Variants in ARHGAP30 observed in about 807,000 individuals in gnomAD.
The protein encoded by ARHGAP30 is Rho GTPase activating protein 30.
A neutral mutation model predicts 72.0 loss-of-function variants in ARHGAP30; 23 were observed. The ratio of observed to expected loss-of-function variants is 0.32; its 90% CI spans 0.23 to 0.45. ARHGAP30 has a LOEUF of 0.45. Among genes scored for constraint, ARHGAP30 ranks in the 20% least tolerant of loss-of-function variants. The probability of loss-of-function intolerance (pLI) is 1.00; values close to 1 mark genes in which losing one functional copy is unlikely to be tolerated. For missense variants in ARHGAP30, 1,319 were observed against 1,383.4 expected (o/e 0.95, Z 0.74); for synonymous variants, 576 against 528.2 (o/e 1.09, Z -1.24).
chr1:161,064,945 G>A (rs1244445822), intron 1 of ARHGAP30, among the ~76,000 whole-genome samples: 3 of 151,162 alleles, frequency 2.0e-5, no homozygotes, highest in African/African-American at 7.3e-5. Flanking sequence ...GAAGGGAAGG[G>A]AAGAAGGGAA....
intron 1 of ARHGAP30, among the ~76,000 whole-genome samples, chr1:161,066,183 C>G (rs1263123562): frequency 6.6e-6 from 1 of 150,654 alleles, no homozygotes; most frequent in Non-Finnish European, 1.5e-5. Flanking sequence ...TCTTTCAACT[C>G]TCCTCATACG....
In ARHGAP30 at chr1:161,069,728, C is replaced by CAG; in HGVS notation, c.-105_-104insCT. The CAG allele has an allele frequency of 7.6e-7, 1 of 1,312,626 alleles. No individual in the cohort carries two copies. The highest frequency in any genetic ancestry group is 1.1e-6 in the Non-Finnish European group (1 of 938,804). 81.3% of individuals were successfully genotyped at this position (1,312,626 alleles called of 1,614,324 possible). A position where few individuals can be genotyped will look rare whatever the true frequency, so the allele number is the denominator to read the frequency against. ...GCCAGCTGCTGGGCTTGGCCCGGCC[C>CAG]CAGGGGGGCAGGGCTCCCAATTGGG... On this transcript the variant is annotated 5_prime_UTR_variant, in exon 1 of 12. Transcript: ENST00000368013. This position sits in a 1 kb window ranked among gnomAD's most constrained non-coding sequence, Gnocchi z 4.9.
At chr1:161,056,994 C>T (rs1179505729) in intron 2 of ARHGAP30, among the ~76,000 whole-genome samples, 2 of 152,056 alleles carry the variant, frequency 1.3e-5, no homozygotes, top group Non-Finnish European at 2.9e-5. Context: ...ATACATTGAA[C>T]ATCAAAATTA....
rs772476087 is a variant in ARHGAP30, at chr1:161,049,666, C to G, written c.1444G>C (p.Ala482Pro). The part of the protein sequence containing the change: ...PPDEKLEASP[A>P]SSPLADSGPD... The stretch of plus-strand genomic sequence containing the variant: ...CCTGAGTCTGCCAGGGGACTTGAGG[C>G]TGGACTTGCTTCCAACTTTTCATCT... Residue 482 changes from alanine (A) to proline (P), a missense_variant, in exon 11 of 12, where the codon GCC becomes CCC. Physicochemically the swap from Ala to Pro is conservative, Grantham distance 27. Around this residue, in one of 2 missense-constraint regions of ARHGAP30, gnomAD observed 1,097 missense variants for 1,045.2 expected, o/e 1.05. Transcript: ENST00000368013. The G allele has an allele frequency of 6.2e-6, 10 of 1,613,610 alleles. No homozygotes were observed. Among genetic ancestry groups the G allele is most frequent in the Non-Finnish European group, 8.5e-6 (10 of 1,179,740 alleles).
At chr1:161,064,829 AAGAGAAAG>A (rs1487544929) in intron 1 of ARHGAP30, among the ~76,000 whole-genome samples, 3 of 45,440 alleles carry the variant, frequency 6.6e-5, no homozygotes, top group Admixed American at 2.0e-4. Context: ...GAAAGAAAGA[AAGAGAAAG>A]AAAGAAAGAA....
intron 9 of ARHGAP30, among the ~76,000 whole-genome samples, chr1:161,052,014 AC>A (rs1557920864): frequency 0.024 from 1,427 of 58,370 alleles, 161 homozygotes; most frequent in African/African-American, 0.055. Context: ...CACCACCACC[AC>A]CACCACCACC....
At chr1:161,054,826 T>G in intron 3 of ARHGAP30, 121 bp from the exon 4 acceptor site, 3 of 837,778 alleles carry the variant, frequency 3.6e-6, no homozygotes, top group South Asian at 1.4e-5. Context: ...TACCCCATCC[T>G]ACATCATCTG....
chr1:161,064,110 T>G (rs942699923), intron 1 of ARHGAP30, among the ~76,000 whole-genome samples: 4 of 152,218 alleles, frequency 2.6e-5, no homozygotes, highest in African/African-American at 9.7e-5. Context: ...CCATACCTAT[T>G]TGTATACTCC....
rs1030604395 is a variant in ARHGAP30, at chr1:161,062,103, CA to C, written c.98-2388del. Among the ~76,000 whole-genome samples the C allele has an allele frequency of 1.3e-4, 20 of 150,812 alleles. No individual in the cohort carries two copies. The East Asian group carries it at 3.5e-3, about 26-fold the overall frequency. On this transcript the variant is annotated intron_variant, in intron 1 of 11. Coordinates refer to ENST00000368013, the MANE Select transcript of ARHGAP30 (RefSeq NM_001025598.2). ...ACTCGGTCTTTAAAAACAACAACAA[CA>C]AAAAAAAACCATGTATTGAAACCCA...
intron 5 of ARHGAP30, 111 bp downstream of exon 5, chr1:161,054,255 G>C (rs1651664870): frequency 1.0e-6 from 1 of 978,084 alleles, no homozygotes; most frequent in Admixed American, 2.1e-5. Flanking sequence ...GGCTTTGTGA[G>C]CCCTACACCC....
Position 161,056,484 on chromosome 1 carries a change from G to A in ARHGAP30, c.249C>T (p.Tyr83=). The change falls in exon 3 of 12, where the codon TAC becomes TAT. Residue 83 remains tyrosine, a synonymous_variant. Transcript: ENST00000368013. ...ERKPDLRRDV[Y]LQDIHCVSSL... ...AGGAGACGCAGTGAATGTCTTGGAG[G>A]TAAACATCCCGACGCAGGTCTGGCT... 6.2e-7 allele frequency: 1 copy of A among 1,614,008 alleles called. No individual in the cohort carries two copies. Among genetic ancestry groups the A allele is most frequent in the South Asian group, 1.1e-5 (1 of 91,048 alleles).
chr1:161,055,464 G>A (rs1315089918), intron 3 of ARHGAP30, among the ~76,000 whole-genome samples: 1 of 152,064 alleles, frequency 6.6e-6, no homozygotes, highest in Non-Finnish European at 1.5e-5. Context: ...CTGCACTCCG[G>A]CCTGGGTGAC....
intron 5 of ARHGAP30, among the ~76,000 whole-genome samples, chr1:161,053,619 A>C (rs1651609684): frequency 2.6e-5 from 4 of 152,070 alleles, no homozygotes; most frequent in Admixed American, 2.6e-4. Context: ...CCGCCTCAGG[A>C]TTAATCTCTA....
chr1:161,060,125 A>G (rs923058320), intron 1 of ARHGAP30: 2 of 387,822 alleles, frequency 5.2e-6, no homozygotes, highest in Admixed American at 3.3e-5. Flanking sequence ...TACAAAAAAT[A>G]CAAACACAAA....
chr1:161,063,002 C>T (rs1652433331), intron 1 of ARHGAP30, among the ~76,000 whole-genome samples: 2 of 152,024 alleles, frequency 1.3e-5, no homozygotes, highest in South Asian at 2.1e-4. Flanking sequence ...TTAGTAGAGT[C>T]GGTGTTTCCC....
At chr1:161,064,831 G>GAAAGAAAGAAAGAGAA (rs1231950263) in intron 1 of ARHGAP30, among the ~76,000 whole-genome samples, 2 of 73,834 alleles carry the variant, frequency 2.7e-5, no homozygotes, top group East Asian at 1.1e-3. Context: ...AAGAAAGAAA[G>GAAAGAAAGAAAGAGAA]AGAAAGAAAG....
intron 1 of ARHGAP30, among the ~76,000 whole-genome samples, chr1:161,064,997 T>A (rs1404953408): frequency 6.6e-6 from 1 of 152,102 alleles, no homozygotes; most frequent in Non-Finnish European, 1.5e-5. Flanking sequence ...ACCATCTAAC[T>A]TTTTTTCCTT....
chr1:161,059,494 G>A (rs1394332802), intron 2 of ARHGAP30, 120 bp downstream of exon 2: 6 of 801,690 alleles, frequency 7.5e-6, no homozygotes, highest in Non-Finnish European at 1.2e-5. Flanking sequence ...CCTAGTATCT[G>A]TGTTTCCTTC....
At chr1:161,055,885 A>T (rs371970295) in intron 3 of ARHGAP30, among the ~76,000 whole-genome samples, 175 of 31,384 alleles carry the variant, frequency 5.6e-3, no homozygotes, top group Middle Eastern at 0.013. Context: ...TAAAATAAAA[A>T]TAAATAAAAT....
Sources: allele counts gnomAD v4.1 joint callset (sites outside exome capture counted in the v4.1 genomes callset), GRCh38; gene constraint gnomAD v4.1.1; regional missense constraint gnomAD v4.1.1; non-coding constraint Gnocchi (gnomAD v3.1); transcripts MANE v1.5; gene names NCBI Gene and HGNC (gene_info 2026-07-23, HGNC 2026-07-21).